LINGO2: variants seen among roughly 807,000 people sequenced by gnomAD.
The protein encoded by LINGO2 is leucine rich repeat and Ig domain containing 2.
LINGO2 carries 14 observed loss-of-function variants against 30.6 expected under a neutral mutation model. The ratio of observed to expected loss-of-function variants is 0.46; its 90% confidence interval spans 0.30 to 0.72. LINGO2 has a LOEUF of 0.72. Ranked by LOEUF, LINGO2 falls within the 30% of genes least tolerant of loss-of-function variation. LINGO2 has a pLI of 0.07. For missense variants in LINGO2, 729 were observed against 751.7 expected, an observed-to-expected ratio of 0.97 and a Z score of 0.35; for synonymous variants, 317 against 288.5, an observed-to-expected ratio of 1.10 and a Z score of -1.00.
chr9:29,197,266 T>C, the LINGO2 span, among the ~76,000 whole-genome samples: 2 of 152,058 alleles, frequency 1.3e-5, no homozygotes, highest in Non-Finnish European at 2.9e-5. Context: ...TAGCCCAGCT[T>C]GGACCAGAAT....
At chr9:28,194,320 C>A (rs1360949183) in intron 4 of LINGO2, among the ~76,000 whole-genome samples, 2 of 151,970 alleles carry the variant, frequency 1.3e-5, no homozygotes, top group African/African-American at 4.8e-5. Context: ...ATGGGCCAAG[C>A]ACTTTTTAAA....
chr9:28,650,597 G>C (rs550499162), intron 1 of LINGO2, among the ~76,000 whole-genome samples: 27 of 152,044 alleles, frequency 1.8e-4, no homozygotes, highest in Non-Finnish European at 1.9e-4. Flanking sequence ...CAAATTCTTT[G>C]TGCTTCTGAC....
the LINGO2 span, among the ~76,000 whole-genome samples, chr9:28,758,844 T>G: frequency 1.3e-5 from 2 of 152,134 alleles, no homozygotes; most frequent in Non-Finnish European, 2.9e-5. Flanking sequence ...GATAACTTAC[T>G]GGATCCATTT....
the LINGO2 span, among the ~76,000 whole-genome samples, chr9:29,049,591 T>C: frequency 6.6e-6 from 1 of 152,194 alleles, no homozygotes; most frequent in Non-Finnish European, 1.5e-5. Flanking sequence ...ATGTGGTACA[T>C]ATACACAATG....
chr9:28,377,052 T>C (rs1218782193), intron 2 of LINGO2, among the ~76,000 whole-genome samples: 2 of 152,202 alleles, frequency 1.3e-5, no homozygotes, highest in Admixed American at 6.5e-5. Context: ...GAGATGTTAG[T>C]AGATATGTAC....
At chr9:28,484,722 C>T (rs1291068047) in intron 1 of LINGO2, among the ~76,000 whole-genome samples, 1 of 152,018 alleles carries the variant, frequency 6.6e-6, no homozygotes, top group Non-Finnish European at 1.5e-5. Context: ...GTGACAAGGT[C>T]TAAACTTAAA....
At chr9:28,195,893 A>T (rs865779667) in intron 4 of LINGO2, among the ~76,000 whole-genome samples, 1 of 151,844 alleles carries the variant, frequency 6.6e-6, no homozygotes, top group African/African-American at 2.4e-5. Flanking sequence ...TAAAGGTTCT[A>T]TATAAGTTAT....
chr9:28,195,768 A>G lies in LINGO2; in HGVS notation c.-87+99440T>C, dbSNP rs1238294303. Reference sequence around the variant, plus strand: ...GTTTATAGCAAAGATGCTTTTATGAAAAGAATTATACCATTTTCAGTAACA... The same window carrying G: ...GTTTATAGCAAAGATGCTTTTATGAGAAGAATTATACCATTTTCAGTAACA... On this transcript the variant is annotated intron_variant, in intron 4 of 5. Transcript: ENST00000379992. 2.0e-5 allele frequency among the ~76,000 whole-genome samples: 3 copies of G among 151,532 alleles called. 1 individual carries two copies. The highest frequency in any genetic ancestry group is 7.2e-5 in the African/African-American group (3 of 41,380).
intron 4 of LINGO2, among the ~76,000 whole-genome samples, chr9:28,223,223 G>A (rs796642828): frequency 4.6e-5 from 7 of 152,276 alleles, no homozygotes; most frequent in African/African-American, 1.4e-4. Flanking sequence ...TCACAGTTCT[G>A]GAGGCTGAGA....
intron 4 of LINGO2, among the ~76,000 whole-genome samples, chr9:28,192,661 A>T (rs896438304): frequency 3.3e-5 from 5 of 152,122 alleles, no homozygotes; most frequent in African/African-American, 9.7e-5. Flanking sequence ...AAATGGTAAC[A>T]CCGCAATGTT....
the LINGO2 span, among the ~76,000 whole-genome samples, chr9:28,769,092 T>C: frequency 6.6e-6 from 1 of 152,004 alleles, no homozygotes; most frequent in Non-Finnish European, 1.5e-5. Flanking sequence ...TTAAATATTT[T>C]TGTATATGCT....
At chr9:28,794,249 A>G in the LINGO2 span, among the ~76,000 whole-genome samples, 13 of 152,222 alleles carry the variant, frequency 8.5e-5, no homozygotes, top group Non-Finnish European at 1.3e-4. Context: ...GGTTGCAGTG[A>G]GCCGAGATCG....
intron 1 of LINGO2, among the ~76,000 whole-genome samples, chr9:28,531,488 T>G (rs72713580): frequency 0.015 from 2,226 of 152,270 alleles, 17 homozygotes; most frequent in Middle Eastern, 0.027. Flanking sequence ...CTTCATAGTT[T>G]TGAAGTGTAG....
chr9:28,026,683 T>C (rs2119426056), intron 4 of LINGO2, among the ~76,000 whole-genome samples: 1 of 152,306 alleles, frequency 6.6e-6, no homozygotes, highest in Non-Finnish European at 1.5e-5. Flanking sequence ...CTGTTTCTTA[T>C]TTTTTTGAGG....
At chr9:28,341,156 A>G (rs890025070) in intron 3 of LINGO2, among the ~76,000 whole-genome samples, 2 of 152,114 alleles carry the variant, frequency 1.3e-5, no homozygotes, top group Non-Finnish European at 1.5e-5. Context: ...AACCAATTCA[A>G]TAGATATGCC....
At chr9:28,614,289 C>A (rs1010275477) in intron 1 of LINGO2, among the ~76,000 whole-genome samples, 1 of 151,976 alleles carries the variant, frequency 6.6e-6, no homozygotes, top group African/African-American at 2.4e-5. Flanking sequence ...CTATGTGTTT[C>A]CTAGCTGAAT....
At chr9:28,588,489 A>T (rs934628563) in intron 1 of LINGO2, among the ~76,000 whole-genome samples, 1 of 151,936 alleles carries the variant, frequency 6.6e-6, no homozygotes, top group Non-Finnish European at 1.5e-5. Flanking sequence ...GTGTAATATC[A>T]GGACAACCAA....
chr9:28,733,846 GA>G, the LINGO2 span, among the ~76,000 whole-genome samples: 31 of 148,548 alleles, frequency 2.1e-4, no homozygotes, highest in South Asian at 4.3e-4. Context: ...CATTGGCCAA[GA>G]AAAAAAAAAT....
chr9:28,445,792 A>G (rs1824402133), intron 2 of LINGO2, among the ~76,000 whole-genome samples: 1 of 152,188 alleles, frequency 6.6e-6, no homozygotes, highest in South Asian at 2.1e-4. Flanking sequence ...ATTGTTGGCA[A>G]CATTTTTAAA....
Sources: allele counts gnomAD v4.1 joint callset (sites outside exome capture counted in the v4.1 genomes callset), GRCh38; gene constraint gnomAD v4.1.1; transcripts MANE v1.5; gene names NCBI Gene and HGNC (gene_info 2026-07-23, HGNC 2026-07-21).